Variants in KCTD14 observed in about 807,000 individuals in gnomAD.
The protein encoded by KCTD14 is potassium channel tetramerization domain containing 14.
KCTD14 carries 7 observed loss-of-function variants against 5.9 expected under a neutral mutation model. The ratio of observed to expected loss-of-function variants is 1.19; its 90% CI spans 0.68 to 2.23. The LOEUF (loss-of-function observed/expected upper bound fraction) is 2.23. Ranked by LOEUF, KCTD14 falls within the 30% of genes most tolerant of loss-of-function variation. The pLI is 0.00. For synonymous variants in KCTD14, 140 were observed against 133.1 expected (o/e 1.05, Z -0.36); for missense variants, 342 against 332.2 (o/e 1.03, Z -0.23).
chr11:78,030,181 T>G (rs1857576783), intron 2 of KCTD14, among the ~76,000 whole-genome samples: 1 of 152,100 alleles, frequency 6.6e-6, no homozygotes, highest in South Asian at 2.1e-4. Context: ...CCCCCTCCAA[T>G]TGCATGTTCT....
At position 78,029,805 on chromosome 11, in the gene KCTD14, G is replaced by A. The variant is rs1387866639; in HGVS notation, c.-1+8859C>T. On this transcript the variant is annotated intron_variant, in intron 2 of 2. Coordinates refer to the KCTD14 transcript ENST00000533144. ...TTTTTTTCTTTTTTTTTTTTGAGACGGAGTCTCGCTCTGTCCCCCAGGCTG... is the reference window on the plus strand; with the variant it reads ...TTTTTTTCTTTTTTTTTTTTGAGACAGAGTCTCGCTCTGTCCCCCAGGCTG... 6.1e-5 allele frequency among the ~76,000 whole-genome samples: 9 copies of A among 147,576 alleles called. No homozygotes were observed. The East Asian group carries it at 9.9e-4, about 16-fold the overall frequency.
At chr11:78,042,161 G>A (rs748887568) in intron 1 of KCTD14, among the ~76,000 whole-genome samples, 3 of 152,188 alleles carry the variant, frequency 2.0e-5, no homozygotes, top group Non-Finnish European at 2.9e-5. Flanking sequence ...GACTGTCTTT[G>A]CTCATTCCTG....
intron 2 of KCTD14, among the ~76,000 whole-genome samples, chr11:78,038,273 C>A (rs368600160): frequency 1.3e-5 from 2 of 152,166 alleles, no homozygotes; most frequent in Admixed American, 6.5e-5. Context: ...TCTTTTGAAG[C>A]CCCATAGGCC....
At chr11:78,029,193 A>AC (rs1221324748) in intron 2 of KCTD14, among the ~76,000 whole-genome samples, 2 of 151,974 alleles carry the variant, frequency 1.3e-5, no homozygotes, top group Non-Finnish European at 1.5e-5. Context: ...TCCAAAAAAA[A>AC]AAAAAAAAAG....
At chr11:78,043,102 G>T (rs1301449830) in intron 1 of KCTD14, among the ~76,000 whole-genome samples, 1 of 152,106 alleles carries the variant, frequency 6.6e-6, no homozygotes, top group Non-Finnish European at 1.5e-5. Flanking sequence ...ACCTGCCTTG[G>T]CCTCCCAAAG....
upstream of KCTD14, among the ~76,000 whole-genome samples, chr11:78,025,608 G>C (rs1857445288): frequency 6.6e-6 from 1 of 152,148 alleles, no homozygotes; most frequent in African/African-American, 2.4e-5. Context: ...CCCTTATGAG[G>C]CCTAACTAGC....
At chr11:78,038,015 C>A (rs1857866417) in intron 2 of KCTD14, among the ~76,000 whole-genome samples, 1 of 149,228 alleles carries the variant, frequency 6.7e-6, no homozygotes, top group Non-Finnish European at 1.5e-5. Context: ...AAAATCAGTG[C>A]TACCTGACTC....
intron 1 of KCTD14, among the ~76,000 whole-genome samples, chr11:78,044,279 G>T (rs908570363): frequency 1.3e-5 from 2 of 152,120 alleles, no homozygotes; most frequent in Admixed American, 1.3e-4. Flanking sequence ...CACCTAGCAG[G>T]GTGTGGAGGG....
At chr11:78,033,889 A>G (rs867108991) in intron 2 of KCTD14, among the ~76,000 whole-genome samples, 35 of 110,168 alleles carry the variant, frequency 3.2e-4, no homozygotes, top group East Asian at 9.0e-4. Context: ...GTGTGTGTGT[A>G]TGTGTGTGTG....
intron 1 of KCTD14, among the ~76,000 whole-genome samples, chr11:78,041,348 G>A (rs1018617976): frequency 6.6e-6 from 1 of 152,162 alleles, no homozygotes; most frequent in African/African-American, 2.4e-5. Flanking sequence ...GGATTTCCTA[G>A]GCCGACTAAG....
intron 1 of KCTD14, among the ~76,000 whole-genome samples, chr11:78,043,590 C>G (rs560658899): frequency 3.3e-5 from 5 of 152,318 alleles, no homozygotes; most frequent in Non-Finnish European, 7.3e-5. Flanking sequence ...GGCACAAGCA[C>G]AGTGGAGGGG....
At chr11:78,036,115 C>T (rs1464949255) in intron 2 of KCTD14, among the ~76,000 whole-genome samples, 1 of 152,014 alleles carries the variant, frequency 6.6e-6, no homozygotes, top group Non-Finnish European at 1.5e-5. Context: ...GCAGAGATTG[C>T]ACCACTGCAC....
rs1555054419 is a variant in KCTD14 at position 78,034,457 on chromosome 11, T to TTG, written c.-1+4206_-1+4207insCA. Among the ~76,000 whole-genome samples the TTG allele has an allele frequency of 1.2e-3, 183 of 148,902 alleles. 1 individual carries two copies. The highest frequency in any genetic ancestry group is 3.1e-3 in the African/African-American group (128 of 40,638). The stretch of plus-strand genomic sequence containing the variant: ...ATATTATTTTATACTGTCTTAATCT[T>TTG]TCTCTCTCTCTCTCTCTCTCTGCCT... On this transcript the variant is annotated intron_variant, in intron 2 of 2. Coordinates refer to the KCTD14 transcript ENST00000533144.
chr11:78,029,259 G>A (rs911855344), intron 2 of KCTD14, among the ~76,000 whole-genome samples: 8 of 151,868 alleles, frequency 5.3e-5, no homozygotes, highest in Admixed American at 2.6e-4. Context: ...TCCTGAAGTC[G>A]CTGACACGCC....
In KCTD14 at chr11:78,016,709, C is replaced by T. The variant is rs1412793480; in HGVS notation, c.652G>A (p.Glu218Lys). The T allele has an allele frequency of 6.2e-7, 1 of 1,614,088 alleles. No homozygotes were observed. The highest frequency in any genetic ancestry group is 8.5e-7 in the Non-Finnish European group (1 of 1,180,038). Reference sequence around the variant, plus strand: ...TACCCCTGGGCCTTAATGTCCATCTCCAGGCAGTGCATGAGGTCGCTGTTG... The same window carrying T: ...TACCCCTGGGCCTTAATGTCCATCTTCAGGCAGTGCATGAGGTCGCTGTTG... The part of the protein sequence containing the change: ...LDNSDLMHCL[E>K]MDIKAQGYKV... Residue 218 changes from glutamate to lysine, a missense_variant, in exon 2 of 2, where the codon GAG becomes AAG. By Grantham distance (56) the Glu-to-Lys change is moderately conservative. Coordinates refer to ENST00000353172, the MANE Select transcript of KCTD14 (RefSeq NM_023930.4).
At chr11:78,022,449 T>C (rs549512727) in intron 1 of KCTD14, among the ~76,000 whole-genome samples, 39 of 152,248 alleles carry the variant, frequency 2.6e-4, no homozygotes, top group Non-Finnish European at 4.7e-4. Context: ...ACTAGGCATG[T>C]GGCTTTGTCA....
intron 1 of KCTD14, among the ~76,000 whole-genome samples, chr11:78,040,539 G>T (rs1214976459): frequency 6.6e-6 from 1 of 150,542 alleles, no homozygotes; most frequent in African/African-American, 2.4e-5. Context: ...CCTCATTTCT[G>T]TGTCTTTTCT....
At chr11:78,033,640 C>T (rs1443675522) in intron 2 of KCTD14, among the ~76,000 whole-genome samples, 1 of 149,636 alleles carries the variant, frequency 6.7e-6, no homozygotes, top group Non-Finnish European at 1.5e-5. Context: ...TGAGATTGTA[C>T]CACTGTACTC....
intron 1 of KCTD14, among the ~76,000 whole-genome samples, chr11:78,041,851 A>G (rs1419097392): frequency 6.6e-6 from 1 of 152,172 alleles, no homozygotes; most frequent in Non-Finnish European, 1.5e-5. Context: ...GCCTTGGTTC[A>G]TCCTAATCGA....
Sources: allele counts gnomAD v4.1 joint callset (sites outside exome capture counted in the v4.1 genomes callset), GRCh38; gene constraint gnomAD v4.1.1; transcripts MANE v1.5; gene names NCBI Gene and HGNC (gene_info 2026-07-23, HGNC 2026-07-21).